CSMD1: variants seen among roughly 807,000 people sequenced by gnomAD.
CSMD1 encodes the protein CUB and sushi domain-containing protein 1.
In CSMD1, 213 loss-of-function variants were observed where a neutral mutation model predicts 417.5. The observed-to-expected ratio is 0.51, with a 90% CI of 0.46 to 0.57. The LOEUF (loss-of-function observed/expected upper bound fraction) is 0.57, where lower values mean the gene tolerates loss of function less well. CSMD1 is among the 20% of genes least tolerant of loss of function. The pLI is 0.00. For synonymous variants in CSMD1, 2,862 were observed against 1,736.8 expected, an observed-to-expected ratio of 1.65 and a Z score of -16.11; for missense variants, 6,923 against 4,529.7, an observed-to-expected ratio of 1.53 and a Z score of -15.17.
intron 3 of CSMD1, among the ~76,000 whole-genome samples, chr8:4,220,520 G>A (rs531935226): frequency 1.3e-5 from 2 of 152,184 alleles, no homozygotes; most frequent in African/African-American, 2.4e-5. Flanking sequence ...CCTAGTGCAA[G>A]AGTGGAAACA....
At chr8:4,849,741 C>T (rs147972432) in intron 1 of CSMD1, among the ~76,000 whole-genome samples, 403 of 152,216 alleles carry the variant, frequency 2.6e-3, no homozygotes, top group Middle Eastern at 6.8e-3. Flanking sequence ...CATCCTAGGT[C>T]TCTAGGAAGC....
At chr8:3,472,740 T>G (rs1041437614) in intron 11 of CSMD1, among the ~76,000 whole-genome samples, 3 of 152,166 alleles carry the variant, frequency 2.0e-5, no homozygotes, top group African/African-American at 7.2e-5. Flanking sequence ...TTATTTCTTC[T>G]GTTCTCAGCA....
At chr8:3,768,027 T>C (rs1798378992) in intron 5 of CSMD1, among the ~76,000 whole-genome samples, 1 of 152,142 alleles carries the variant, frequency 6.6e-6, no homozygotes, top group Non-Finnish European at 1.5e-5. Context: ...GCACCAGGTA[T>C]ACAAAACAGA....
At chr8:3,725,449 G>T (rs1398034259) in intron 6 of CSMD1, among the ~76,000 whole-genome samples, 1 of 152,156 alleles carries the variant, frequency 6.6e-6, no homozygotes, top group Non-Finnish European at 1.5e-5. Flanking sequence ...AGCTGAAGGC[G>T]ACTGTGGGGC....
chr8:3,425,372 G>A (rs1196281180), intron 12 of CSMD1, among the ~76,000 whole-genome samples: 2 of 151,938 alleles, frequency 1.3e-5, no homozygotes, highest in African/African-American at 2.4e-5. Context: ...CGTGGATCAC[G>A]AGGTCAAGAG....
chr8:3,693,592 C>T (rs1343545446), intron 7 of CSMD1, among the ~76,000 whole-genome samples: 1 of 152,050 alleles, frequency 6.6e-6, no homozygotes, highest in Non-Finnish European at 1.5e-5. Context: ...ACACTAAAAT[C>T]CCCACCCTTA....
chr8:3,020,923 T>C (rs781391771), intron 51 of CSMD1, among the ~76,000 whole-genome samples: 1 of 152,274 alleles, frequency 6.6e-6, no homozygotes, highest in Non-Finnish European at 1.5e-5. Flanking sequence ...GTTAATGAAC[T>C]CGAGTAGGAT....
chr8:4,217,482 G>C (rs369777008), intron 3 of CSMD1, among the ~76,000 whole-genome samples: 36 of 152,202 alleles, frequency 2.4e-4, no homozygotes, highest in African/African-American at 7.7e-4. Flanking sequence ...CACAGGTAAG[G>C]GTCACATGAC....
intron 3 of CSMD1, among the ~76,000 whole-genome samples, chr8:4,313,282 G>C (rs779744528): frequency 2.0e-5 from 3 of 152,240 alleles, no homozygotes; most frequent in Middle Eastern, 3.4e-3. Flanking sequence ...CCCAGGAAGA[G>C]AATGCGAAGA....
chr8:4,633,932 G>C (rs1407543788), intron 2 of CSMD1, among the ~76,000 whole-genome samples: 2 of 150,982 alleles, frequency 1.3e-5, no homozygotes, highest in African/African-American at 4.9e-5. Flanking sequence ...AGACTGGGAA[G>C]CAAGAGGAAA....
intron 5 of CSMD1, among the ~76,000 whole-genome samples, chr8:3,944,132 C>T (rs149674587): frequency 6.6e-6 from 1 of 152,200 alleles, no homozygotes; most frequent in East Asian, 1.9e-4. Context: ...TTTGGGGAAT[C>T]TTAGTGAAGG....
intron 7 of CSMD1, among the ~76,000 whole-genome samples, chr8:3,667,811 C>A (rs1299536893): frequency 6.6e-6 from 1 of 152,142 alleles, no homozygotes; most frequent in Non-Finnish European, 1.5e-5. Flanking sequence ...AGACCCAGGG[C>A]AAATTCATGA....
At chr8:3,627,441 G>T (rs575958822) in intron 7 of CSMD1, among the ~76,000 whole-genome samples, 31 of 152,158 alleles carry the variant, frequency 2.0e-4, no homozygotes, top group Non-Finnish European at 3.2e-4. Flanking sequence ...ACATTAACAT[G>T]CACTGAGAAG....
intron 1 of CSMD1, among the ~76,000 whole-genome samples, chr8:4,714,465 C>T (rs1408936434): frequency 1.3e-5 from 2 of 152,184 alleles, no homozygotes; most frequent in African/African-American, 4.8e-5. Flanking sequence ...TACATAAGCG[C>T]TTTCATATGC....
chr8:4,129,241 G>C (rs546164329), intron 3 of CSMD1, among the ~76,000 whole-genome samples: 2 of 152,138 alleles, frequency 1.3e-5, no homozygotes, highest in Admixed American at 1.3e-4. Flanking sequence ...TTCCTCTTCT[G>C]AGGATGTCTC....
rs556340501 is a variant in CSMD1 at position 4,544,230 on chromosome 8, G to A, written c.302+93112C>T. On this transcript the variant is annotated intron_variant, in intron 2 of 69. Transcript: ENST00000635120. ...GAGTTTCCTCCTTTGTCATCCTTGT[G>A]TGGTTATATAGTCTCGCATTTCATA... Among the ~76,000 whole-genome samples, 4 of 152,146 alleles carry A rather than the reference G, an allele frequency of 2.6e-5. No individual in the cohort carries two copies. The East Asian group carries it at 7.7e-4, about 29-fold the overall frequency.
chr8:3,412,198 A>G (rs963868534), intron 12 of CSMD1, among the ~76,000 whole-genome samples: 2 of 149,230 alleles, frequency 1.3e-5, no homozygotes, highest in Non-Finnish European at 3.0e-5. Context: ...ATATACATAC[A>G]TACACACACA....
At chr8:3,277,340 C>T (rs778717809) in intron 26 of CSMD1, among the ~76,000 whole-genome samples, 2 of 152,122 alleles carry the variant, frequency 1.3e-5, no homozygotes, top group Non-Finnish European at 2.9e-5. Context: ...CACCTGGGTG[C>T]CTGTGCGCAG....
At chr8:4,384,693 C>T (rs865832453) in intron 3 of CSMD1, among the ~76,000 whole-genome samples, 2 of 152,238 alleles carry the variant, frequency 1.3e-5, no homozygotes. Context: ...CACGAGTGGG[C>T]CTTTCCCAGG....
Sources: allele counts gnomAD v4.1 joint callset (sites outside exome capture counted in the v4.1 genomes callset), GRCh38; gene constraint gnomAD v4.1.1; transcripts MANE v1.5; gene names NCBI Gene and HGNC (gene_info 2026-07-23, HGNC 2026-07-21).